TRIM16: variants seen among roughly 807,000 people sequenced by gnomAD.
TRIM16 encodes the protein tripartite motif containing 16.
Under a neutral mutation model 50.4 loss-of-function variants are expected in TRIM16, and 33 were observed. The observed-to-expected ratio is 0.65, with a 90% CI of 0.50 to 0.88. The LOEUF (loss-of-function observed/expected upper bound fraction) is 0.88. Among genes scored for constraint, TRIM16 ranks in the 40% least tolerant of loss-of-function variants. The probability of loss-of-function intolerance (pLI) is 0.00; values close to 1 mark genes in which losing one functional copy is unlikely to be tolerated. For missense variants in TRIM16, 581 were observed against 686.8 expected, an observed-to-expected ratio of 0.85 and a Z score of 1.72; for synonymous variants, 229 against 270.7, an observed-to-expected ratio of 0.85 and a Z score of 1.51.
chr17:15,660,299 C>A (rs1437153393), intron 6 of TRIM16, among the ~76,000 whole-genome samples: 1 of 152,170 alleles, frequency 6.6e-6, no homozygotes, highest in South Asian at 2.1e-4. Flanking sequence ...GGACAATGAG[C>A]CGGTTCCTCT....
chr17:15,660,600 T>A (rs1988181069), intron 6 of TRIM16, among the ~76,000 whole-genome samples: 1 of 151,854 alleles, frequency 6.6e-6, no homozygotes, highest in Non-Finnish European at 1.5e-5. Flanking sequence ...ACAAGAATGC[T>A]CGAAAGAATA....
chr17:15,631,598 C>T (rs774570434), intron 11 of TRIM16, 21 bp downstream of exon 11: 22 of 1,613,700 alleles, frequency 1.4e-5, no homozygotes, highest in South Asian at 8.8e-5. Flanking sequence ...ACTGGAGAAG[C>T]GGGTGCCGTT....
At chr17:15,635,939 A>G in intron 9 of TRIM16, 97 bp downstream of exon 9, 1 of 1,174,330 alleles carries the variant, frequency 8.5e-7, no homozygotes, top group Non-Finnish European at 1.2e-6. Context: ...ACCATTTAAC[A>G]AAAAACAGTT....
In TRIM16 at chr17:15,660,897, CAAAAAAAAAA is replaced by C. The variant is rs550489491; in HGVS notation, c.-337-8961_-337-8952del. Reference sequence around the variant, plus strand: ...TGGGCGACAGAGCGAGACTCCATCTCAAAAAAAAAAAAAAAAAAAAAAAAAGAACACAGAG... The same window carrying C: ...TGGGCGACAGAGCGAGACTCCATCTCAAAAAAAAAAAAAAAGAACACAGAG... On this transcript the variant is annotated intron_variant, in intron 6 of 11. Coordinates refer to ENST00000649191, the MANE Select transcript of TRIM16 (RefSeq NM_001348119.1). Among the ~76,000 whole-genome samples the C allele has an allele frequency of 8.3e-3, 500 of 60,156 alleles. 5 individuals carry two copies. The highest frequency in any genetic ancestry group is 0.026 in the African/African-American group (472 of 17,830). The allele number at this position is 60,156 out of a possible 152,430, so 39.5% of individuals were successfully genotyped here.
intron 9 of TRIM16, among the ~76,000 whole-genome samples, chr17:15,635,555 A>C (rs1399734446): frequency 1.5e-5 from 2 of 133,524 alleles, no homozygotes; most frequent in African/African-American, 5.8e-5. Context: ...CATCCCTACC[A>C]AGCAAACCTC....
In TRIM16 at chr17:15,659,126, T is replaced by C. The variant is rs115358759; in HGVS notation, c.-337-7180A>G. ...TACAGAGACGAGATTGCCAGCTCAG[T>C]ACCTGGCACACAGCCTGAAGGACCC... On this transcript the variant is annotated intron_variant, in intron 6 of 11. Coordinates refer to ENST00000649191, the MANE Select transcript of TRIM16 (RefSeq NM_001348119.1). Among the ~76,000 whole-genome samples the C allele has an allele frequency of 4.0e-3, 602 of 152,270 alleles. 1 individual carries two copies. Among genetic ancestry groups the C allele is most frequent in the African/African-American group, 0.014 (562 of 41,548 alleles).
At chr17:15,678,520 C>A (rs2151428805) in intron 4 of TRIM16, among the ~76,000 whole-genome samples, 1 of 152,298 alleles carries the variant, frequency 6.6e-6, no homozygotes, top group Non-Finnish European at 1.5e-5. Flanking sequence ...ATGCTGTTTT[C>A]CCCTTCTGAC....
chr17:15,670,290 C>T (rs1988670102), intron 6 of TRIM16, among the ~76,000 whole-genome samples: 1 of 152,186 alleles, frequency 6.6e-6, no homozygotes, highest in Non-Finnish European at 1.5e-5. Context: ...TATTCCCAGG[C>T]CCAGGGCAGG....
At chr17:15,664,092 T>A (rs1988369242) in intron 6 of TRIM16, among the ~76,000 whole-genome samples, 1 of 152,196 alleles carries the variant, frequency 6.6e-6, no homozygotes, top group African/African-American at 2.4e-5. Context: ...TGGCAGCGGT[T>A]GTATGGCAGA....
At chr17:15,648,225 C>CA (rs542434481) in intron 7 of TRIM16, among the ~76,000 whole-genome samples, 2,094 of 75,002 alleles carry the variant, frequency 0.028, 35 homozygotes, top group Middle Eastern at 0.062. Context: ...GACTCCGTCT[C>CA]AAAAAAAAAA....
At chr17:15,638,258 T>TTAA (rs980557581) in intron 8 of TRIM16, among the ~76,000 whole-genome samples, 5 of 115,080 alleles carry the variant, frequency 4.3e-5, no homozygotes, top group African/African-American at 1.8e-4. Flanking sequence ...AAAATAAATT[T>TTAA]AAAAAAAAAA....
At chr17:15,652,455 CTTTTTTTT>C (rs34158100) in intron 6 of TRIM16, among the ~76,000 whole-genome samples, 2 of 65,396 alleles carry the variant, frequency 3.1e-5, no homozygotes, top group Non-Finnish European at 5.3e-5. Context: ...CGGTGCCCAC[CTTTTTTTT>C]TTTTTTTTTT....
chr17:15,661,552 C>T (rs1988238624), intron 6 of TRIM16, among the ~76,000 whole-genome samples: 1 of 152,204 alleles, frequency 6.6e-6, no homozygotes, highest in Non-Finnish European at 1.5e-5. Flanking sequence ...CACTGTCTTC[C>T]ACTGGGCACC....
At chr17:15,668,190 T>G (rs1378149790) in intron 6 of TRIM16, among the ~76,000 whole-genome samples, 1 of 152,234 alleles carries the variant, frequency 6.6e-6, no homozygotes, top group Non-Finnish European at 1.5e-5. Flanking sequence ...CAGCTATCTG[T>G]GCCATGGTTG....
At chr17:15,680,407 C>T (rs554271667) in intron 4 of TRIM16, among the ~76,000 whole-genome samples, 1 of 150,856 alleles carries the variant, frequency 6.6e-6, no homozygotes, top group South Asian at 2.1e-4. Context: ...CATCTTTTCT[C>T]CCCAAAATAT....
At chr17:15,661,731 C>T (rs1363457275) in intron 6 of TRIM16, among the ~76,000 whole-genome samples, 3 of 152,218 alleles carry the variant, frequency 2.0e-5, no homozygotes, top group Admixed American at 6.5e-5. Context: ...TTACTCAGAG[C>T]GCCTTTTCTC....
intron 6 of TRIM16, among the ~76,000 whole-genome samples, chr17:15,660,385 T>G (rs1167899649): frequency 6.6e-6 from 1 of 152,202 alleles, no homozygotes; most frequent in African/African-American, 2.4e-5. Context: ...GCTCAATTCT[T>G]CATTCCACTT....
At chr17:15,652,368 C>G (rs1359402233) in intron 6 of TRIM16, among the ~76,000 whole-genome samples, 1 of 147,604 alleles carries the variant, frequency 6.8e-6, no homozygotes, top group Non-Finnish European at 1.5e-5. Context: ...ACCATCTTGG[C>G]CAGGCTGGTC....
chr17:15,669,946 G>A (rs922868312), intron 6 of TRIM16, among the ~76,000 whole-genome samples: 1 of 152,212 alleles, frequency 6.6e-6, no homozygotes, highest in Non-Finnish European at 1.5e-5. Flanking sequence ...GACACTGGCA[G>A]TTGTCTCCTG....
Sources: allele counts gnomAD v4.1 joint callset (sites outside exome capture counted in the v4.1 genomes callset), GRCh38; gene constraint gnomAD v4.1.1; transcripts MANE v1.5; gene names NCBI Gene and HGNC (gene_info 2026-07-23, HGNC 2026-07-21).